The following MIA2 variants were observed in gnomAD, a reference collection of about 807,000 sequenced individuals.
MIA2 encodes MIA SH3 domain ER export factor 2.
Under a neutral mutation model 167.8 loss-of-function variants are expected in MIA2, and 127 were observed. That is an observed-to-expected ratio of 0.76 (90% CI 0.66 to 0.88). The LOEUF (loss-of-function observed/expected upper bound fraction) is 0.88, where lower values mean the gene tolerates loss of function less well. MIA2 is among the 40% of genes least tolerant of loss of function. The pLI, the probability that MIA2 is intolerant of heterozygous loss-of-function variation, is 0.00. For missense variants in MIA2, 1,690 were observed against 1,624.7 expected (o/e 1.04, Z -0.69); for synonymous variants, 552 against 541.9 (o/e 1.02, Z -0.26).
chr14:39,296,763 C>T (rs2061484132), intron 13 of MIA2, among the ~76,000 whole-genome samples: 1 of 150,944 alleles, frequency 6.6e-6, no homozygotes, highest in African/African-American at 2.4e-5. Flanking sequence ...TTAGGTATAT[C>T]TTTTCTTTTT....
At chr14:39,301,074 A>G (rs1390190131) in intron 14 of MIA2, among the ~76,000 whole-genome samples, 1 of 128,772 alleles carries the variant, frequency 7.8e-6, no homozygotes, top group Admixed American at 8.1e-5. Flanking sequence ...ACACACACAC[A>G]CACGAGATGG....
chr14:39,354,092 G>A (rs1002954251), downstream of MIA2, among the ~76,000 whole-genome samples: 1 of 152,202 alleles, frequency 6.6e-6, no homozygotes, highest in Non-Finnish European at 1.5e-5. Context: ...TAATGGGATG[G>A]CTTGATCAAA....
intron 6 of MIA2, among the ~76,000 whole-genome samples, chr14:39,263,432 C>T (rs2055230438): frequency 2.7e-5 from 4 of 150,648 alleles, no homozygotes; most frequent in Admixed American, 2.6e-4. Context: ...CGAGAGCTCA[C>T]TATCTTGCCC....
At chr14:39,261,029 G>A (rs1466446490) in intron 6 of MIA2, among the ~76,000 whole-genome samples, 4 of 151,328 alleles carry the variant, frequency 2.6e-5, no homozygotes, top group African/African-American at 9.7e-5. Context: ...TGGGGTACAT[G>A]TGCACAACAT....
At chr14:39,347,891 G>T (rs1163056104) in intron 27 of MIA2, 120 bp downstream of exon 27, 2 of 897,940 alleles carry the variant, frequency 2.2e-6, no homozygotes, top group Non-Finnish European at 3.2e-6. Context: ...GCGCTATCTC[G>T]GCTCACTGCA....
intron 9 of MIA2, among the ~76,000 whole-genome samples, chr14:39,280,962 G>A (rs1198598245): frequency 2.7e-5 from 3 of 110,978 alleles, no homozygotes; most frequent in Non-Finnish European, 5.1e-5. Flanking sequence ...TCTCTCTCTT[G>A]TCTAGGCTGC....
Position 39,299,906 on chromosome 14 carries a change from C to T in MIA2, c.2539C>T (p.Leu847Phe), listed in dbSNP as rs764331269. ...AGTATGGAAAGAACAAGTGAGTGAA[C>T]TTAATAAACAGAAAGTAACATTTGA... ...AEVWKEQVSE[L>F]NKQKVTFEDS... The change falls in exon 14 of 29, where the codon CTT becomes TTT. Residue 847 changes from leucine to phenylalanine, a missense_variant. By Grantham distance (22) the Leu-to-Phe change is conservative (BLOSUM62 0). Coordinates refer to ENST00000640607, the MANE Select transcript of MIA2 (RefSeq NM_001329214.4). 2 of 1,608,392 alleles carry T rather than the reference C, an allele frequency of 1.2e-6. No homozygotes were observed. The highest frequency in any genetic ancestry group is 2.7e-5 in the African/African-American group (2 of 74,544).
Position 39,335,322 on chromosome 14 carries a change from G to A in MIA2, c.3655+8300G>A, listed in dbSNP as rs544805043. ...TGAAGAATATGGATTCTGCATTTGA[G>A]ATTATCTGTCATTTAGTCTGTTAGG... On this transcript the variant is annotated intron_variant, in intron 25 of 28. Transcript: ENST00000640607. Among the ~76,000 whole-genome samples, 4 of 152,216 alleles carry A rather than the reference G, an allele frequency of 2.6e-5. No individual in the cohort carries two copies. The South Asian group carries it at 8.3e-4, about 32-fold the overall frequency.
chr14:39,267,533 G>A, intron 6 of MIA2: 3 of 1,613,246 alleles, frequency 1.9e-6, no homozygotes, highest in South Asian at 2.2e-5. Flanking sequence ...GTGAGCCCAG[G>A]CGCGATGAGT....
chr14:39,309,450 A>G (rs2063858979), intron 18 of MIA2, among the ~76,000 whole-genome samples: 1 of 151,910 alleles, frequency 6.6e-6, no homozygotes, highest in Admixed American at 6.6e-5. Context: ...GGCCTTTTTG[A>G]TGCTCTTCAG....
intron 6 of MIA2, among the ~76,000 whole-genome samples, chr14:39,264,900 C>T (rs894136227): frequency 3.9e-5 from 6 of 152,200 alleles, no homozygotes; most frequent in African/African-American, 1.4e-4. Flanking sequence ...CAAACACTAA[C>T]AGCATTTGTT....
chr14:39,350,165 AC>A lies in MIA2; in HGVS notation c.4145del (p.Pro1382HisfsTer13). The A allele has an allele frequency of 8.3e-7, 1 of 1,200,490 alleles. No individual in the cohort carries two copies. The highest frequency in any genetic ancestry group is 1.2e-6 in the Non-Finnish European group (1 of 863,638). 74.4% of individuals were successfully genotyped at this position (1,200,490 alleles called of 1,614,324 possible). ...CCCCAAGACCTGGATTTTTCCCCCC[AC>A]CCCCACATTCTGAAGGTAGAAGTGA... is the stretch of plus-strand genomic sequence containing the variant. Reference protein sequence around the residue: ...LPPRPGFFPPPPHSEGRSEFP... With the variant: ...LPPRPGFFPPXPHSEGRSEFP... On this transcript the variant is annotated frameshift_variant, in exon 29 of 29. Coordinates refer to ENST00000640607, the MANE Select transcript of MIA2 (RefSeq NM_001329214.4). LOFTEE classifies it high-confidence loss of function.
intron 22 of MIA2, among the ~76,000 whole-genome samples, chr14:39,318,501 A>C (rs564947344): frequency 2.6e-5 from 4 of 152,314 alleles, no homozygotes; most frequent in Non-Finnish European, 5.9e-5. Context: ...TTTTCTGTGA[A>C]GATGATAACA....
At chr14:39,324,917 G>T (rs2067177998) in intron 24 of MIA2, among the ~76,000 whole-genome samples, 1 of 151,886 alleles carries the variant, frequency 6.6e-6, no homozygotes, top group South Asian at 2.1e-4. Context: ...ATTTTAGTTA[G>T]GCTTCTATTG....
chr14:39,308,403 A>G (rs2063698776), intron 17 of MIA2, 46 bp from the exon 18 acceptor site: 2 of 1,221,336 alleles, frequency 1.6e-6, no homozygotes, highest in East Asian at 2.7e-5. Context: ...TTAATATGCA[A>G]CTCAAAATGT....
At chr14:39,370,113 G>A (rs1403595505) in intron 23 of MIA2, among the ~76,000 whole-genome samples, 1 of 152,208 alleles carries the variant, frequency 6.6e-6, no homozygotes, top group Admixed American at 6.5e-5. Flanking sequence ...TGAAGTGGTT[G>A]CAGTTTTCAC....
At position 39,237,071 on chromosome 14, in the gene MIA2, T is replaced by A. The variant is rs978663124; in HGVS notation, c.249+16T>A. 2 of 1,607,940 alleles carry A rather than the reference T, an allele frequency of 1.2e-6. No homozygotes were observed. The highest frequency in any genetic ancestry group is 1.7e-5 in the Admixed American group (1 of 58,146). On this transcript the variant is annotated intron_variant, in intron 2 of 28. Coordinates refer to ENST00000640607, the MANE Select transcript of MIA2 (RefSeq NM_001329214.4). The stretch of plus-strand genomic sequence containing the variant: ...GGCAGGAAGTGTAAGTAACTACTTT[T>A]AAAAATTGAATGCAGAATAAATGAC...
intron 13 of MIA2, among the ~76,000 whole-genome samples, chr14:39,298,443 A>ATCTATATATATATATATATATATAT (rs1372100362): frequency 2.0e-5 from 1 of 50,056 alleles, no homozygotes; most frequent in Non-Finnish European, 3.5e-5. Flanking sequence ...ATATATATAT[A>ATCTATATATATATATATATATATAT]AAGATTAGTT....
At chr14:39,261,153 C>T (rs568465406) in intron 6 of MIA2, among the ~76,000 whole-genome samples, 22 of 152,156 alleles carry the variant, frequency 1.4e-4, no homozygotes, top group South Asian at 8.3e-4. Flanking sequence ...CCTCACCCCA[C>T]GACAGGCTCT....
Sources: allele counts gnomAD v4.1 joint callset (sites outside exome capture counted in the v4.1 genomes callset), GRCh38; gene constraint gnomAD v4.1.1; transcripts MANE v1.5; gene names NCBI Gene and HGNC (gene_info 2026-07-23, HGNC 2026-07-21).